ITSN1: variants seen among roughly 807,000 people sequenced by gnomAD.
ITSN1 encodes intersectin-1.
In ITSN1, 58 loss-of-function variants were observed where a neutral mutation model predicts 239.8. The observed-to-expected ratio is 0.24, with a 90% confidence interval of 0.20 to 0.30. The LOEUF is 0.30. Among genes scored for constraint, ITSN1 ranks in the 10% least tolerant of loss-of-function variants. The pLI is 1.00. For synonymous variants in ITSN1, 780 were observed against 770.8 expected (o/e 1.01, Z -0.20); for missense variants, 1,558 against 2,103.3 (o/e 0.74, Z 5.07).
Position 33,772,135 on chromosome 21 carries a change from C to T in ITSN1, c.1117C>T (p.Leu373=). The change falls in exon 12 of 40, where the codon CTG becomes TTG. Residue 373 remains leucine, a synonymous_variant. Transcript: ENST00000381318. ...LELEKRRQAL[L]EQQRKEQERL... ...ACTGGAGAAACGAAGGCAAGCTCTC[C>T]TGGAACAGCAGCGCAAGGAGCAGGA... is the stretch of plus-strand genomic sequence containing the variant. 6.2e-7 allele frequency: 1 copy of T among 1,614,216 alleles called. No individual in the cohort carries two copies. Among genetic ancestry groups the T allele is most frequent in the South Asian group, 1.1e-5 (1 of 91,090 alleles).
chr21:33,868,692 G>A (rs1301928221), intron 33 of ITSN1, among the ~76,000 whole-genome samples: 2 of 152,206 alleles, frequency 1.3e-5, no homozygotes, highest in Non-Finnish European at 1.5e-5. Context: ...TCCTGCTCGC[G>A]CCTCTCCCTC....
chr21:33,661,374 G>A (rs1437724941), intron 1 of ITSN1, among the ~76,000 whole-genome samples: 2 of 152,098 alleles, frequency 1.3e-5, no homozygotes, highest in East Asian at 3.8e-4. Flanking sequence ...GTACTCAAGG[G>A]CTGAGATTTA....
Position 33,799,792 on chromosome 21 carries a change from C to T in ITSN1, c.2183-16C>T. On this transcript the variant is annotated splice_polypyrimidine_tract_variant and intron_variant, in intron 18 of 39. Transcript: ENST00000381318. ...AATTATTTATTTTTGTCCCCCCCAC[C>T]TTTTTTTGTAAACAGAAAAAGGTCC... The T allele has an allele frequency of 6.2e-7, 1 of 1,611,740 alleles. No homozygotes were observed. The highest frequency in any genetic ancestry group is 8.5e-7 in the Non-Finnish European group (1 of 1,179,076).
intron 32 of ITSN1, among the ~76,000 whole-genome samples, chr21:33,866,405 G>C (rs1336147927): frequency 1.3e-5 from 2 of 152,024 alleles, no homozygotes; most frequent in African/African-American, 4.8e-5. Flanking sequence ...TCCTAGGCCC[G>C]AGCAAGATGA....
chr21:33,701,562 G>A (rs969269225), intron 1 of ITSN1, among the ~76,000 whole-genome samples: 1 of 152,010 alleles, frequency 6.6e-6, no homozygotes, highest in African/African-American at 2.4e-5. Flanking sequence ...AGAGGCATAG[G>A]TGGGTGGATC....
At chr21:33,870,804 G>T (rs950550404) in intron 33 of ITSN1, among the ~76,000 whole-genome samples, 4 of 152,164 alleles carry the variant, frequency 2.6e-5, no homozygotes, top group African/African-American at 4.8e-5. Flanking sequence ...TGGTGTGTCA[G>T]GTTTGAGGCC....
intron 29 of ITSN1, among the ~76,000 whole-genome samples, chr21:33,847,250 C>T (rs1033994300): frequency 1.3e-5 from 2 of 152,206 alleles, no homozygotes; most frequent in African/African-American, 2.4e-5. Context: ...GTCCAGGAAC[C>T]GGTCAGCCAA....
chr21:33,812,733 A>G (rs2072998837), intron 21 of ITSN1, among the ~76,000 whole-genome samples: 1 of 152,126 alleles, frequency 6.6e-6, no homozygotes. Context: ...TCCCGAACTC[A>G]AGTGATCCTC....
intron 5 of ITSN1, among the ~76,000 whole-genome samples, chr21:33,744,442 C>T (rs2147376762): frequency 6.6e-6 from 1 of 152,078 alleles, no homozygotes; most frequent in Admixed American, 6.5e-5. Context: ...CTCACCACAC[C>T]CCCCATTCTC....
chr21:33,762,258 T>C (rs936508539), intron 9 of ITSN1, among the ~76,000 whole-genome samples: 9 of 152,050 alleles, frequency 5.9e-5, no homozygotes, highest in Admixed American at 5.9e-4. Flanking sequence ...TCCCTGTCTT[T>C]GATTTCTTTT....
chr21:33,767,915 A>C (rs117832917), intron 11 of ITSN1, 87 bp downstream of exon 11: 7,353 of 716,356 alleles, frequency 0.01, 53 homozygotes, highest in Non-Finnish European at 0.014. Context: ...AGAGGTAAAC[A>C]TAAATTTAGT....
At chr21:33,857,000 T>C (rs1979473373) in intron 30 of ITSN1, 143 bp downstream of exon 30, 1 of 744,166 alleles carries the variant, frequency 1.3e-6, no homozygotes, top group Non-Finnish European at 2.2e-6. Flanking sequence ...GCAAATGCTA[T>C]AGGAGATTGC....
chr21:33,791,567 T>G (rs2071135872), intron 16 of ITSN1, among the ~76,000 whole-genome samples: 1 of 152,236 alleles, frequency 6.6e-6, no homozygotes. Context: ...AATCACTTTT[T>G]CTTACAAGCT....
chr21:33,771,628 G>A (rs147089575), intron 11 of ITSN1, among the ~76,000 whole-genome samples: 2 of 152,288 alleles, frequency 1.3e-5, no homozygotes, highest in African/African-American at 2.4e-5. Flanking sequence ...GTGAAAAGCC[G>A]AATGCTCACC....
At chr21:33,651,998 A>G (rs1489242291) in intron 1 of ITSN1, among the ~76,000 whole-genome samples, 1 of 152,254 alleles carries the variant, frequency 6.6e-6, no homozygotes, top group Non-Finnish European at 1.5e-5. Context: ...AAAGGAATAC[A>G]TGTTTATTGA....
At chr21:33,838,391 T>A in intron 29 of ITSN1, 1 of 984,704 alleles carries the variant, frequency 1.0e-6, no homozygotes, top group Non-Finnish European at 1.2e-6. Flanking sequence ...TTTTCACGGA[T>A]ATGAATGTAA....
chr21:33,850,909 G>A (rs140505206), intron 29 of ITSN1, among the ~76,000 whole-genome samples: 1 of 152,292 alleles, frequency 6.6e-6, no homozygotes, highest in Non-Finnish European at 1.5e-5. Flanking sequence ...CTTGGTCCAT[G>A]GGGAGAAGCC....
Position 33,773,613 on chromosome 21 carries a change from A to G in ITSN1, c.1306-1116A>G, listed in dbSNP as rs529982070. On this transcript the variant is annotated intron_variant, in intron 12 of 39. Transcript: ENST00000381318. ...GAGGCCAGTAGTTGGAGGCCACTGCATTCCAGCCTAGGTGACAGAGCAAGA... is the reference window on the plus strand; with the variant it reads ...GAGGCCAGTAGTTGGAGGCCACTGCGTTCCAGCCTAGGTGACAGAGCAAGA... Among the ~76,000 whole-genome samples the G allele has an allele frequency of 1.6e-3, 241 of 152,304 alleles. 1 individual carries two copies. The Middle Eastern group carries it at 0.027, about 17-fold the overall frequency.
At chr21:33,787,116 A>G (rs2070737605) in intron 16 of ITSN1, among the ~76,000 whole-genome samples, 1 of 152,186 alleles carries the variant, frequency 6.6e-6, no homozygotes, top group Admixed American at 6.5e-5. Flanking sequence ...CCTATTGACG[A>G]GTTGCGTGTG....
Sources: allele counts gnomAD v4.1 joint callset (sites outside exome capture counted in the v4.1 genomes callset), GRCh38; gene constraint gnomAD v4.1.1; transcripts MANE v1.5; gene names NCBI Gene and HGNC (gene_info 2026-07-23, HGNC 2026-07-21).